TMCC2: variants seen among roughly 807,000 people sequenced by gnomAD.
TMCC2 encodes the protein transmembrane and coiled-coil domain family 2.
Under a neutral mutation model 49.4 loss-of-function variants are expected in TMCC2, and 16 were observed. The ratio of observed to expected loss-of-function variants is 0.32; its 90% CI spans 0.22 to 0.49. TMCC2 has a LOEUF of 0.49. TMCC2 is among the 20% of genes least tolerant of loss of function. TMCC2 has a pLI of 0.99. For synonymous variants in TMCC2, 397 were observed against 434.1 expected, an observed-to-expected ratio of 0.91 and a Z score of 1.06; for missense variants, 762 against 989.8, an observed-to-expected ratio of 0.77 and a Z score of 3.09.
At chr1:205,270,537 G>T (rs1046976910) in intron 3 of TMCC2, among the ~76,000 whole-genome samples, 3 of 152,130 alleles carry the variant, frequency 2.0e-5, no homozygotes, top group African/African-American at 4.8e-5. Flanking sequence ...CTGGGCTTGT[G>T]GGGGGATCTT....
In TMCC2 at chr1:205,269,277, C is replaced by T. The variant is rs147117435; in HGVS notation, c.1075C>T (p.Arg359Trp). The T allele has an allele frequency of 6.8e-6, 11 of 1,613,690 alleles. No homozygotes were observed. Among genetic ancestry groups the T allele is most frequent in the East Asian group, 2.2e-5 (1 of 44,898 alleles). ...QLHKKLEHYR[R>W]RLKEIEQNGP... ...GCACAAGAAGCTGGAGCACTACCGC[C>T]GGCGCCTGAAGGAGATTGAGCAGAA... Residue 359 changes from arginine (R) to tryptophan (W), a missense_variant, in exon 3 of 5, where the codon CGG (arginine) becomes TGG (tryptophan). Physicochemically the swap from Arg to Trp is moderately radical, Grantham distance 101. Transcript: ENST00000358024.
At chr1:205,237,026 A>G (rs796472478) in intron 1 of TMCC2, among the ~76,000 whole-genome samples, 16 of 152,266 alleles carry the variant, frequency 1.1e-4, no homozygotes, top group African/African-American at 3.6e-4. Flanking sequence ...CCGTGTGCCC[A>G]TGAGTTGAGT....
intron 2 of TMCC2, among the ~76,000 whole-genome samples, chr1:205,265,753 G>T (rs1279668728): frequency 1.3e-5 from 2 of 150,760 alleles, no homozygotes; most frequent in Non-Finnish European, 3.0e-5. Flanking sequence ...TAGAGACAGG[G>T]TTTCACCATG....
chr1:205,254,133 G>T (rs1235653115), intron 2 of TMCC2, among the ~76,000 whole-genome samples: 1 of 152,288 alleles, frequency 6.6e-6, no homozygotes, highest in South Asian at 2.1e-4. Context: ...CATGGAAGCC[G>T]CACAGCTAGC....
intron 3 of TMCC2, 54 bp downstream of exon 3, chr1:205,269,938 G>A: frequency 6.5e-7 from 1 of 1,548,444 alleles, no homozygotes; most frequent in South Asian, 1.2e-5. Context: ...GATGAGGCAA[G>A]GAGCACTGGG....
chr1:205,267,741 T>G (rs1033633850), intron 2 of TMCC2: 1 of 234,270 alleles, frequency 4.3e-6, no homozygotes, highest in African/African-American at 2.3e-5. Context: ...CTCTTCTCCT[T>G]TCCTTGTCTC....
At chr1:205,235,053 G>A (rs778300217) in intron 1 of TMCC2, among the ~76,000 whole-genome samples, 1 of 152,166 alleles carries the variant, frequency 6.6e-6, no homozygotes, top group South Asian at 2.1e-4. Context: ...AAGTGCTTTT[G>A]TAGGGTCTTT....
At chr1:205,261,711 G>A (rs1334855141) in intron 2 of TMCC2, among the ~76,000 whole-genome samples, 2 of 152,026 alleles carry the variant, frequency 1.3e-5, no homozygotes, top group Admixed American at 1.3e-4. Context: ...TCATTCTAAG[G>A]GTGTGAAGCG....
At chr1:205,258,754 G>C (rs1660982806) in intron 2 of TMCC2, among the ~76,000 whole-genome samples, 1 of 152,190 alleles carries the variant, frequency 6.6e-6, no homozygotes, top group Non-Finnish European at 1.5e-5. Context: ...GAAATTTCAA[G>C]TTCCTTCTCT....
intron 1 of TMCC2, among the ~76,000 whole-genome samples, chr1:205,237,219 C>T (rs1472645128): frequency 2.0e-5 from 3 of 152,122 alleles, no homozygotes; most frequent in African/African-American, 4.8e-5. Flanking sequence ...CCCACTCAGG[C>T]TCCCCACCCA....
At chr1:205,246,750 T>C in intron 2 of TMCC2, 1 of 1,510,160 alleles carries the variant, frequency 6.6e-7, no homozygotes, top group Non-Finnish European at 9.0e-7. Context: ...AGCAGGAGTC[T>C]CTGGTATGCA....
rs562560975 is a variant in TMCC2 at position 205,262,099 on chromosome 1, C to T, written c.748-6851C>T. ...TTTACCTTGGTTGCCCTCTCTCCATCGAGTCCTGAAAGGTAGCTGTCACCC... is the reference window on the plus strand; with the variant it reads ...TTTACCTTGGTTGCCCTCTCTCCATTGAGTCCTGAAAGGTAGCTGTCACCC... On this transcript the variant is annotated intron_variant, in intron 2 of 4. Transcript: ENST00000358024. Among the ~76,000 whole-genome samples, 42 of 152,300 alleles carry T rather than the reference C, an allele frequency of 2.8e-4. No homozygotes were observed. The South Asian group carries it at 8.5e-3, about 31-fold the overall frequency.
intron 3 of TMCC2, among the ~76,000 whole-genome samples, chr1:205,270,351 C>T (rs866802635): frequency 1.3e-5 from 2 of 152,150 alleles, no homozygotes; most frequent in African/African-American, 2.4e-5. Context: ...CCTGTAAAGT[C>T]GAAGCATGTG....
At chr1:205,239,322 G>A (rs1660178502) in intron 1 of TMCC2, among the ~76,000 whole-genome samples, 5 of 152,198 alleles carry the variant, frequency 3.3e-5, no homozygotes. Flanking sequence ...CCTGGGGAAG[G>A]GGGAGGTGTC....
At chr1:205,243,586 G>A (rs141126483) in intron 2 of TMCC2, among the ~76,000 whole-genome samples, 1 of 152,188 alleles carries the variant, frequency 6.6e-6, no homozygotes, top group South Asian at 2.1e-4. Flanking sequence ...GGAAAGGGAG[G>A]CGTAGAGGAT....
At chr1:205,243,325 A>T (rs1420658957) in intron 2 of TMCC2, among the ~76,000 whole-genome samples, 1 of 152,192 alleles carries the variant, frequency 6.6e-6, no homozygotes, top group Admixed American at 6.5e-5. Context: ...CGGAGGTTGT[A>T]GTGAGCCAAG....
intron 2 of TMCC2, among the ~76,000 whole-genome samples, chr1:205,244,931 T>G (rs1660401791): frequency 6.8e-6 from 1 of 147,926 alleles, no homozygotes. Context: ...ATTTGGGGGG[T>G]GGGATAGGGA....
At chr1:205,234,459 AAAAC>A (rs914670485) in intron 1 of TMCC2, among the ~76,000 whole-genome samples, 25 of 152,052 alleles carry the variant, frequency 1.6e-4, no homozygotes, top group South Asian at 6.2e-4. Context: ...AATAAAAAAC[AAAAC>A]AAACAAACAA....
rs1660257083 is a variant in TMCC2 at position 205,241,408 on chromosome 1, C to T, written c.208-97C>T. On this transcript the variant is annotated intron_variant, in intron 1 of 4. Coordinates refer to ENST00000358024, the MANE Select transcript of TMCC2 (RefSeq NM_014858.4). The surrounding 1 kb of genome is among the most constrained non-coding windows in gnomAD (Gnocchi z 7.3). ...GTTCAGATGGCTGCATTAGCTATGCCAGTCTACCAAGGACAGACCCTTCAC... is the reference window on the plus strand; with the variant it reads ...GTTCAGATGGCTGCATTAGCTATGCTAGTCTACCAAGGACAGACCCTTCAC... The T allele has an allele frequency of 1.6e-6, 2 of 1,285,174 alleles. No individual in the cohort carries two copies. Among genetic ancestry groups the T allele is most frequent in the Non-Finnish European group, 1.1e-6 (1 of 927,812 alleles). 79.6% of individuals were successfully genotyped at this position (1,285,174 alleles called of 1,614,324 possible).
Sources: gnomAD v4.1 joint callset for allele counts (sites outside exome capture counted in the v4.1 genomes callset) on GRCh38, gnomAD v4.1.1 for gene constraint, Gnocchi (gnomAD v3.1) non-coding constraint, MANE v1.5 for transcripts, NCBI Gene and HGNC (gene_info 2026-07-23, HGNC 2026-07-21) for gene names.